ENKUR: variants seen among roughly 807,000 people sequenced by gnomAD.
The protein encoded by ENKUR is enkurin.
Under a neutral mutation model 27.6 loss-of-function variants are expected in ENKUR, and 19 were observed. That is an observed-to-expected ratio of 0.69 (90% confidence interval 0.48 to 1.01). The LOEUF is 1.01. Ranked by LOEUF, ENKUR falls within the 50% of genes least tolerant of loss-of-function variation. ENKUR has a pLI of 0.00. For synonymous variants in ENKUR, 117 were observed against 96.9 expected (o/e 1.21, Z -1.22); for missense variants, 312 against 310.5 (o/e 1.00, Z -0.04).
intron 2 of ENKUR, chr10:25,024,891 A>G (rs770231993): frequency 1.2e-6 from 2 of 1,613,946 alleles, no homozygotes; most frequent in South Asian, 2.2e-5. Context: ...AAAGAAAACT[A>G]GCACAAACCT....
chr10:25,035,773 A>G (rs1851000379), intron 2 of ENKUR, among the ~76,000 whole-genome samples: 1 of 152,334 alleles, frequency 6.6e-6, no homozygotes, highest in South Asian at 2.1e-4. Context: ...AATGATTGGT[A>G]TCTGCCTCAC....
intron 3 of ENKUR, among the ~76,000 whole-genome samples, chr10:24,992,829 C>T (rs546222664): frequency 2.4e-4 from 37 of 152,262 alleles, no homozygotes; most frequent in Non-Finnish European, 1.9e-4. Flanking sequence ...TACAAATAGA[C>T]TCTGGGAGGC....
intron 2 of ENKUR, among the ~76,000 whole-genome samples, chr10:25,053,914 GCCCCCAAGCAT>G (rs891553485): frequency 7.9e-5 from 12 of 152,158 alleles, no homozygotes; most frequent in Admixed American, 7.2e-4. Flanking sequence ...TATGGTTGGA[GCCCCCAAGCAT>G]CCTTCTCAAT....
intron 2 of ENKUR, among the ~76,000 whole-genome samples, chr10:25,053,401 C>CT (rs955643416): frequency 6.6e-6 from 1 of 152,116 alleles, no homozygotes; most frequent in African/African-American, 2.4e-5. Context: ...CGTATTCCTC[C>CT]TGTCTAACTG....
Position 25,016,088 on chromosome 10 carries a change from C to A in ENKUR, c.-152G>T. 1 of 1,348,580 alleles carries A rather than the reference C, an allele frequency of 7.4e-7. No individual in the cohort carries two copies. The highest frequency in any genetic ancestry group is 9.6e-7 in the Non-Finnish European group (1 of 1,046,560). The allele number at this position is 1,348,580 out of a possible 1,614,324, so 83.5% of individuals were successfully genotyped here. On this transcript the variant is annotated 5_prime_UTR_variant, in exon 1 of 6. Transcript: ENST00000331161. The stretch of plus-strand genomic sequence containing the variant: ...TCCTTCACATCGTCCCCCTTTAACC[C>A]CCTCTTAGCAGTCCTCTCTCGGGAA...
intron 2 of ENKUR, among the ~76,000 whole-genome samples, chr10:25,054,193 G>A (rs774200837): frequency 2.0e-5 from 3 of 152,200 alleles, no homozygotes; most frequent in Non-Finnish European, 2.9e-5. Context: ...GGCTGAGGTG[G>A]GCGGATCACT....
intron 2 of ENKUR, among the ~76,000 whole-genome samples, chr10:25,050,194 C>A (rs780503452): frequency 1.1e-4 from 16 of 152,182 alleles, no homozygotes; most frequent in Admixed American, 3.3e-4. Context: ...ATGATCCAGT[C>A]ACCTCCCACC....
At chr10:25,045,323 A>G (rs906708793) in intron 2 of ENKUR, among the ~76,000 whole-genome samples, 4 of 152,178 alleles carry the variant, frequency 2.6e-5, no homozygotes, top group African/African-American at 9.6e-5. Flanking sequence ...ATACTGCCCT[A>G]TGCTTTTCTT....
intron 2 of ENKUR, among the ~76,000 whole-genome samples, chr10:24,996,138 G>T (rs1380164321): frequency 3.3e-5 from 5 of 152,278 alleles, no homozygotes; most frequent in African/African-American, 1.2e-4. Context: ...TAAATTAAGG[G>T]CAACATAATC....
At position 25,016,141 on chromosome 10, in the gene ENKUR, C is replaced by T; in HGVS notation, c.-205G>A. The T allele has an allele frequency of 1.6e-6, 2 of 1,238,882 alleles. No individual in the cohort carries two copies. Among genetic ancestry groups the T allele is most frequent in the Non-Finnish European group, 2.0e-6 (2 of 989,084 alleles). The allele number at this position is 1,238,882 out of a possible 1,614,324, so 76.7% of individuals were successfully genotyped here. ...AAACACCCTATTTCTCTCCGGATTG[C>T]TAAGCGTCGTTGACTGTGCGGTTGC... On this transcript the variant is annotated 5_prime_UTR_variant, in exon 1 of 6. Coordinates refer to ENST00000331161, the MANE Select transcript of ENKUR (RefSeq NM_145010.4).
chr10:25,026,045 AT>A, intron 2 of ENKUR: 1 of 153,456 alleles, frequency 6.5e-6, no homozygotes, highest in Non-Finnish European at 1.5e-5. Flanking sequence ...CACATGGCTA[AT>A]TTTTTTATTT....
At chr10:25,029,591 A>C (rs1850911245) in intron 2 of ENKUR, among the ~76,000 whole-genome samples, 1 of 152,208 alleles carries the variant, frequency 6.6e-6, no homozygotes. Context: ...AAATCCATGG[A>C]AACATAATAC....
intron 2 of ENKUR, chr10:25,025,188 C>G: frequency 6.2e-7 from 1 of 1,614,172 alleles, no homozygotes; most frequent in Non-Finnish European, 8.5e-7. Flanking sequence ...GGGTGCAAGA[C>G]AAAACTTGCC....
At position 25,034,491 on chromosome 10, in the gene ENKUR, C is replaced by T. The variant is rs558609703; in HGVS notation, c.37+26621G>A. 2.6e-4 allele frequency among the ~76,000 whole-genome samples: 39 copies of T among 152,242 alleles called. No homozygotes were observed. In the South Asian group the frequency reaches 2.9e-3, roughly 11 times the overall value. ...CCAATTTGACAAAATTTAAGATTATCTATATTTGTTTTAAATGTTATAAAG... is the reference window on the plus strand; with the variant it reads ...CCAATTTGACAAAATTTAAGATTATTTATATTTGTTTTAAATGTTATAAAG... On this transcript the variant is annotated intron_variant, in intron 2 of 5. Transcript: ENST00000615958.
At chr10:25,003,197 CATTT>C (rs1850234563) in intron 1 of ENKUR, among the ~76,000 whole-genome samples, 1 of 146,172 alleles carries the variant, frequency 6.8e-6, no homozygotes, top group Non-Finnish European at 1.5e-5. Context: ...TTTATTTATT[CATTT>C]ATTTTTTGCC....
intron 2 of ENKUR, among the ~76,000 whole-genome samples, chr10:25,050,432 C>T (rs530372572): frequency 3.3e-5 from 5 of 152,158 alleles, no homozygotes; most frequent in East Asian, 1.9e-4. Flanking sequence ...AGCAAAGTCA[C>T]GTCTTGCATG....
chr10:25,050,691 G>A (rs962187582), intron 2 of ENKUR, among the ~76,000 whole-genome samples: 5 of 152,162 alleles, frequency 3.3e-5, no homozygotes, highest in African/African-American at 1.2e-4. Flanking sequence ...AGGAGCTGGG[G>A]TGATAAGAAT....
intron 2 of ENKUR, among the ~76,000 whole-genome samples, chr10:25,052,526 G>A (rs1025404689): frequency 7.9e-5 from 12 of 152,088 alleles, no homozygotes; most frequent in Admixed American, 6.5e-5. Flanking sequence ...GCCTGTAATC[G>A]CAGGCCAAGG....
chr10:25,047,934 T>A (rs1397849261), intron 2 of ENKUR, among the ~76,000 whole-genome samples: 1 of 152,216 alleles, frequency 6.6e-6, no homozygotes, highest in Non-Finnish European at 1.5e-5. Flanking sequence ...TGGTCACAAT[T>A]TTTTTATTGT....
Sources: gnomAD v4.1 joint callset for allele counts (sites outside exome capture counted in the v4.1 genomes callset) on GRCh38, gnomAD v4.1.1 for gene constraint, MANE v1.5 for transcripts, NCBI Gene and HGNC (gene_info 2026-07-23, HGNC 2026-07-21) for gene names.